GTF3A: variants seen among roughly 807,000 people sequenced by gnomAD.
GTF3A encodes the protein general transcription factor IIIA.
GTF3A carries 40 observed loss-of-function variants against 37.6 expected under a neutral mutation model. The observed-to-expected ratio is 1.06, with a 90% confidence interval of 0.83 to 1.38. The LOEUF (loss-of-function observed/expected upper bound fraction) is 1.38, where lower values mean the gene tolerates loss of function less well. GTF3A is among the 40% of genes most tolerant of loss of function. GTF3A has a pLI of 0.00. For missense variants in GTF3A, 500 were observed against 462.6 expected (o/e 1.08, Z -0.74); for synonymous variants, 191 against 166.7 (o/e 1.15, Z -1.12).
At position 27,434,929 on chromosome 13, in the gene GTF3A, C is replaced by G; in HGVS notation, c.768C>G (p.Thr256=). The G allele has an allele frequency of 6.2e-7, 1 of 1,609,514 alleles. No homozygotes were observed. The highest frequency in any genetic ancestry group is 1.1e-5 in the South Asian group (1 of 91,026). ...GTCCAAGAGAAGGCTGTGGAAGAAC[C>G]TATACAACTGTGTTTAATCTCCAAA... Residue 256 remains threonine, a synonymous_variant, in exon 7 of 9, where the codon ACC becomes ACG. Transcript: ENST00000381140.
At chr13:27,429,645 G>A (rs1405766869) in intron 2 of GTF3A, among the ~76,000 whole-genome samples, 1 of 152,190 alleles carries the variant, frequency 6.6e-6, no homozygotes, top group Non-Finnish European at 1.5e-5. Context: ...CTGATGTAGT[G>A]TGTATAATTT....
chr13:27,427,242 A>G lies in GTF3A; in HGVS notation c.302+50A>G, dbSNP rs1348956876. On this transcript the variant is annotated intron_variant, in intron 2 of 8. Coordinates refer to ENST00000381140, the MANE Select transcript of GTF3A (RefSeq NM_002097.3). ...TTTTGAAGTGGGTTGTGTTGGGCAT[A>G]TAGACCCAGTAAGAAGATTGATGTT... 8 of 848,406 alleles carry G rather than the reference A, an allele frequency of 9.4e-6. No individual in the cohort carries two copies. The African/African-American group carries it at 1.3e-4, about 14-fold the overall frequency. 52.6% of individuals were successfully genotyped at this position (848,406 alleles called of 1,614,324 possible). A position where few individuals can be genotyped will look rare whatever the true frequency, so the allele number is the denominator to read the frequency against.
chr13:27,435,570 G>C lies in GTF3A; in HGVS notation c.1071G>C (p.Ser357=). 6.2e-7 allele frequency: 1 copy of C among 1,613,546 alleles called. No homozygotes were observed. Among genetic ancestry groups the C allele is most frequent in the Non-Finnish European group, 8.5e-7 (1 of 1,179,600 alleles). The change falls in exon 9 of 9, where the codon TCG becomes TCC. Residue 357 remains serine, a synonymous_variant. Transcript: ENST00000381140. The stretch of plus-strand genomic sequence containing the variant: ...ACTGTGTGGAAGACAAGATGCTCTC[G>C]ACAGTTGCAGTACTTACCCTTGGCT...
intron 1 of GTF3A, 69 bp from the exon 2 acceptor site, chr13:27,427,023 A>T (rs889564044): frequency 4.9e-6 from 4 of 824,528 alleles, no homozygotes; most frequent in Non-Finnish European, 8.2e-6. Flanking sequence ...TAGGCAGTTT[A>T]AGCTTTTAAA....
rs1331752480 is a variant in GTF3A, at chr13:27,424,947, G to C, written c.201+9G>C. On this transcript the variant is annotated intron_variant, in intron 1 of 8. Transcript: ENST00000381140. Reference sequence around the variant, plus strand: ...GCAAGCACACGGGGGAGGTGAGGGGGGCGAGGCTGCCAACCCTGGGCCTAG... The same window carrying C: ...GCAAGCACACGGGGGAGGTGAGGGGCGCGAGGCTGCCAACCCTGGGCCTAG... 6.5e-7 allele frequency: 1 copy of C among 1,541,762 alleles called. No homozygotes were observed. The highest frequency in any genetic ancestry group is 2.5e-5 in the East Asian group (1 of 40,096).
Position 27,435,521 on chromosome 13 carries a change from T to G in GTF3A, c.1022T>G (p.Leu341Trp). The change falls in exon 9 of 9, where the codon TTG becomes TGG. Residue 341 changes from leucine to tryptophan, a missense_variant. Leu to Trp is a moderately conservative substitution (Grantham distance 61, BLOSUM62 -2). Transcript: ENST00000381140. ...AGGAAACAAGGGCAAGGCTTATCTT[T>G]GTGTCAAAACGGAGAGTCACCCAAC... 1 of 1,613,548 alleles carries G rather than the reference T, an allele frequency of 6.2e-7. No homozygotes were observed. The highest frequency in any genetic ancestry group is 2.2e-5 in the East Asian group (1 of 44,874).
At chr13:27,435,300 C>G (rs1233107693) in intron 8 of GTF3A, 108 bp downstream of exon 8, 10 of 1,247,132 alleles carry the variant, frequency 8.0e-6, no homozygotes, top group Non-Finnish European at 1.1e-5. Flanking sequence ...TGAGTCTGCA[C>G]TACTGTTGAA....
Position 27,424,824 on chromosome 13 carries a change from G to A in GTF3A, c.87G>A (p.Pro29=), listed in dbSNP as rs1210030233. 1 of 1,550,676 alleles carries A rather than the reference G, an allele frequency of 6.4e-7. No individual in the cohort carries two copies. The highest frequency in any genetic ancestry group is 2.4e-5 in the East Asian group (1 of 40,822). The change falls in exon 1 of 9, where the codon CCG becomes CCA. Residue 29 remains proline, a synonymous_variant. Transcript: ENST00000381140. Reference sequence around the variant, plus strand: ...TTGCAGCCGGCGAGAGCTCAGCTCCGACCCCGCCGCGCCCCGCGCTTCCCA... The same window carrying A: ...TTGCAGCCGGCGAGAGCTCAGCTCCAACCCCGCCGCGCCCCGCGCTTCCCA...
chr13:27,425,860 C>T (rs976694211), intron 1 of GTF3A: 1 of 152,406 alleles, frequency 6.6e-6, no homozygotes, highest in African/African-American at 2.4e-5. Flanking sequence ...ATTTATGGGC[C>T]ACCTTCTCCA....
chr13:27,427,317 C>G, intron 2 of GTF3A, 125 bp downstream of exon 2: 1 of 638,884 alleles, frequency 1.6e-6, no homozygotes, highest in Non-Finnish European at 2.9e-6. Flanking sequence ...GTGGCTCATG[C>G]CTGTAATCCC....
chr13:27,435,295 C>T, intron 8 of GTF3A, 103 bp downstream of exon 8: 2 of 1,254,712 alleles, frequency 1.6e-6, no homozygotes, highest in Non-Finnish European at 2.3e-6. Context: ...CTGTTTGAGT[C>T]TGCACTACTG....
At chr13:27,428,787 C>G (rs1472367492) in intron 2 of GTF3A, among the ~76,000 whole-genome samples, 1 of 152,194 alleles carries the variant, frequency 6.6e-6, no homozygotes, top group African/African-American at 2.4e-5. Context: ...AATACAGAGG[C>G]AGGAGCTCTG....
Position 27,424,942 on chromosome 13 carries a change from A to AG in GTF3A, c.201+10dup, listed in dbSNP as rs1023426716. The AG allele has an allele frequency of 5.8e-6, 9 of 1,542,150 alleles. No homozygotes were observed. The African/African-American group carries it at 1.2e-4, about 21-fold the overall frequency. On this transcript the variant is annotated splice_donor_region_variant and intron_variant, in intron 1 of 8. Transcript: ENST00000381140. The stretch of plus-strand genomic sequence containing the variant: ...CCTGTGCAAGCACACGGGGGAGGTG[A>AG]GGGGGGCGAGGCTGCCAACCCTGGG...
chr13:27,435,288 T>C, intron 8 of GTF3A, 96 bp downstream of exon 8: 1 of 1,275,940 alleles, frequency 7.8e-7, no homozygotes, highest in Non-Finnish European at 1.1e-6. Context: ...TGCTTTACTG[T>C]TTGAGTCTGC....
chr13:27,427,017 C>T (rs1050931406), intron 1 of GTF3A, 75 bp from the exon 2 acceptor site: 2 of 773,916 alleles, frequency 2.6e-6, no homozygotes, highest in Non-Finnish European at 4.5e-6. Flanking sequence ...TAACACTAGG[C>T]AGTTTAAGCT....
At chr13:27,433,552 T>TTC (rs1363606466) in intron 5 of GTF3A, among the ~76,000 whole-genome samples, 1 of 151,800 alleles carries the variant, frequency 6.6e-6, no homozygotes, top group East Asian at 1.9e-4. Context: ...TTTTTTTTTT[T>TTC]TGTGATAAAG....
At chr13:27,433,713 G>A (rs889408350) in intron 5 of GTF3A, among the ~76,000 whole-genome samples, 6 of 152,092 alleles carry the variant, frequency 3.9e-5, no homozygotes, top group African/African-American at 1.4e-4. Context: ...GTTTGCTGAG[G>A]AAAATAGAGG....
rs540756188 is a variant in GTF3A at position 27,435,603 on chromosome 13, G to A, written c.*6G>A. 1.2e-6 allele frequency: 2 copies of A among 1,613,184 alleles called. No individual in the cohort carries two copies. The highest frequency in any genetic ancestry group is 4.5e-5 in the East Asian group (2 of 44,876). ...CAGTACTTACCCTTGGCTAAGAACTGCACTGCTTTGTTTAAAGGACTGCAG... is the reference window on the plus strand; with the variant it reads ...CAGTACTTACCCTTGGCTAAGAACTACACTGCTTTGTTTAAAGGACTGCAG... On this transcript the variant is annotated 3_prime_UTR_variant, in exon 9 of 9. Coordinates refer to ENST00000381140, the MANE Select transcript of GTF3A (RefSeq NM_002097.3).
At chr13:27,427,918 A>T (rs1404738976) in intron 2 of GTF3A, among the ~76,000 whole-genome samples, 1 of 152,070 alleles carries the variant, frequency 6.6e-6, no homozygotes, top group East Asian at 1.9e-4. Context: ...CTTTAGCTGT[A>T]GTTCCCCGTT....
Sources: gnomAD v4.1 joint callset for allele counts (sites outside exome capture counted in the v4.1 genomes callset) on GRCh38, gnomAD v4.1.1 for gene constraint, MANE v1.5 for transcripts, NCBI Gene and HGNC (gene_info 2026-07-23, HGNC 2026-07-21) for gene names.